FGD6: variants seen among roughly 807,000 people sequenced by gnomAD.
The protein encoded by FGD6 is FYVE, RhoGEF and PH domain containing 6.
In FGD6, 90 loss-of-function variants were observed where a neutral mutation model predicts 149.4. The observed-to-expected ratio is 0.60, with a 90% CI of 0.51 to 0.72. The LOEUF is 0.72. Among genes scored for constraint, FGD6 ranks in the 30% least tolerant of loss-of-function variants. The probability of loss-of-function intolerance (pLI) is 0.00; values close to 1 mark genes in which losing one functional copy is unlikely to be tolerated. For missense variants in FGD6, 1,437 were observed against 1,684.8 expected (o/e 0.85, Z 2.57); for synonymous variants, 527 against 584.0 (o/e 0.90, Z 1.41).
chr12:95,167,346 C>T (rs1024762574), intron 3 of FGD6, among the ~76,000 whole-genome samples: 11 of 152,104 alleles, frequency 7.2e-5, no homozygotes, highest in African/African-American at 2.4e-4. Context: ...CATTTTAGAT[C>T]CTATAAGGAC....
chr12:95,091,570 A>G lies in FGD6; in HGVS notation c.3850+137T>C. 5.1e-6 allele frequency: 3 copies of G among 589,586 alleles called. No individual in the cohort carries two copies. In the South Asian group the frequency reaches 7.2e-5, roughly 14 times the overall value. 36.5% of individuals were successfully genotyped at this position (589,586 alleles called of 1,614,324 possible). A position where few individuals can be genotyped will look rare whatever the true frequency, so the allele number is the denominator to read the frequency against. On this transcript the variant is annotated intron_variant, in intron 17 of 20. Coordinates refer to ENST00000343958, the MANE Select transcript of FGD6 (RefSeq NM_018351.4). Reference sequence around the variant, plus strand: ...CAGAATTACAACAAAATATGAATTAAGAAAGCTTACTACAAATTTGGAGAT... The same window carrying G: ...CAGAATTACAACAAAATATGAATTAGGAAAGCTTACTACAAATTTGGAGAT...
At chr12:95,125,832 A>C in intron 8 of FGD6, 3 of 1,003,322 alleles carry the variant, frequency 3.0e-6, no homozygotes, top group Non-Finnish European at 4.8e-6. Flanking sequence ...TGGAAAATTC[A>C]TTGTGATCAT....
chr12:95,165,446 A>C (rs1173587130), intron 3 of FGD6, among the ~76,000 whole-genome samples: 2 of 150,874 alleles, frequency 1.3e-5, no homozygotes, highest in Non-Finnish European at 2.9e-5. Flanking sequence ...GGATTCTACT[A>C]CCTCAGCCTC....
chr12:95,181,883 G>C (rs534020520), intron 2 of FGD6, among the ~76,000 whole-genome samples: 78 of 151,282 alleles, frequency 5.2e-4, no homozygotes, highest in African/African-American at 1.8e-3. Context: ...GGCAGAGCTT[G>C]CAGTGAGCTG....
intron 3 of FGD6, among the ~76,000 whole-genome samples, chr12:95,163,113 C>T (rs1439364493): frequency 2.0e-5 from 3 of 152,178 alleles, no homozygotes; most frequent in Non-Finnish European, 4.4e-5. Flanking sequence ...TTTCTTTCGC[C>T]AAGGGTATTA....
chr12:95,201,595 A>G (rs144071334), intron 2 of FGD6, among the ~76,000 whole-genome samples: 4 of 152,244 alleles, frequency 2.6e-5, no homozygotes, highest in Non-Finnish European at 4.4e-5. Flanking sequence ...TTACCTTTAT[A>G]TATCAGGTCA....
intron 2 of FGD6, among the ~76,000 whole-genome samples, chr12:95,186,680 T>C (rs1030163143): frequency 6.6e-6 from 1 of 152,218 alleles, no homozygotes; most frequent in African/African-American, 2.4e-5. Flanking sequence ...AACAGAGACC[T>C]ATGGCCTGCA....
intron 1 of FGD6, among the ~76,000 whole-genome samples, chr12:95,214,440 TC>T (rs1475961441): frequency 6.6e-6 from 1 of 152,210 alleles, no homozygotes; most frequent in African/African-American, 2.4e-5. Context: ...TATTTTTTTT[TC>T]ATGGCTCTAT....
chr12:95,163,851 A>G (rs1460685614), intron 3 of FGD6, among the ~76,000 whole-genome samples: 3 of 152,234 alleles, frequency 2.0e-5, no homozygotes, highest in African/African-American at 7.2e-5. Flanking sequence ...AATGGATTAT[A>G]ATCATCTTCA....
At chr12:95,197,365 G>A (rs966094627) in intron 2 of FGD6, among the ~76,000 whole-genome samples, 3 of 152,118 alleles carry the variant, frequency 2.0e-5, no homozygotes, top group Admixed American at 2.0e-4. Flanking sequence ...TTGAACCTGG[G>A]AGGTGGAGGC....
intron 2 of FGD6, among the ~76,000 whole-genome samples, chr12:95,184,936 C>T (rs1202217966): frequency 2.6e-5 from 4 of 151,324 alleles, no homozygotes; most frequent in Non-Finnish European, 5.9e-5. Flanking sequence ...TGCAGTGGTG[C>T]GATCTTGGCT....
chr12:95,108,276 A>T, intron 11 of FGD6, 72 bp downstream of exon 11: 1 of 1,345,328 alleles, frequency 7.4e-7, no homozygotes, highest in East Asian at 2.4e-5. Flanking sequence ...ATTTTTATAA[A>T]ATGATAAACA....
In FGD6 at chr12:95,195,423, T is replaced by C. The variant is rs140802410; in HGVS notation, c.2441+13420A>G. Among the ~76,000 whole-genome samples the C allele has an allele frequency of 3.6e-3, 548 of 152,042 alleles. 1 individual carries two copies. The highest frequency in any genetic ancestry group is 0.012 in the African/African-American group (484 of 41,488). On this transcript the variant is annotated intron_variant, in intron 2 of 20. Transcript: ENST00000343958. ...TCCCTTGGCCATCCTCTGTTTTGTTTTTAGCATAAAACAGGGAAAGGCAGG... is the reference window on the plus strand; with the variant it reads ...TCCCTTGGCCATCCTCTGTTTTGTTCTTAGCATAAAACAGGGAAAGGCAGG...
intron 2 of FGD6, among the ~76,000 whole-genome samples, chr12:95,184,769 G>A (rs1045165362): frequency 1.3e-5 from 2 of 152,062 alleles, no homozygotes; most frequent in Non-Finnish European, 2.9e-5. Context: ...TTTTAGTGGA[G>A]ATGGGGTTTC....
intron 2 of FGD6, among the ~76,000 whole-genome samples, chr12:95,182,186 CATACACATAT>C (rs56880843): frequency 0.62 from 93,280 of 149,286 alleles, 29,286 homozygotes; most frequent in Admixed American, 0.66. Flanking sequence ...TTCACAGTTG[CATACACATAT>C]TTACACATAT....
chr12:95,126,446 A>T (rs904140290), intron 8 of FGD6: 1 of 1,002,096 alleles, frequency 1.0e-6, no homozygotes. Flanking sequence ...CAAAAAACAA[A>T]GGCCAGCCAT....
intron 5 of FGD6, among the ~76,000 whole-genome samples, chr12:95,143,078 T>C (rs1189691683): frequency 6.6e-6 from 1 of 152,008 alleles, no homozygotes; most frequent in Non-Finnish European, 1.5e-5. Flanking sequence ...ATTTTTTCCT[T>C]TTTAGAAACA....
At position 95,105,029 on chromosome 12, in the gene FGD6, G is replaced by A. The variant is rs1398241928; in HGVS notation, c.3475C>T (p.Arg1159Cys). ...QNELKIESVE[R>C]SFILSASSAT... ...TACCTGGCTGAGAGAATGAAGGAAC[G>A]TTCTACACTTTCAATCTTTAATTCA... The change falls in exon 14 of 21, where the codon CGT becomes TGT. Residue 1159 changes from arginine to cysteine, a missense_variant. By Grantham distance (180) the Arg-to-Cys change is radical. Around this residue, in one of 2 missense-constraint regions of FGD6, gnomAD observed 382 missense variants for 538.7 expected, o/e 0.71. Transcript: ENST00000343958. 1.9e-6 allele frequency: 3 copies of A among 1,604,354 alleles called. No individual in the cohort carries two copies. The highest frequency in any genetic ancestry group is 2.2e-5 in the East Asian group (1 of 44,768).
intron 5 of FGD6, among the ~76,000 whole-genome samples, chr12:95,145,560 C>T (rs1483168828): frequency 2.6e-5 from 4 of 152,162 alleles, no homozygotes; most frequent in African/African-American, 7.2e-5. Context: ...AATTTTCCAT[C>T]CACTAACGCC....
Sources: gnomAD v4.1 joint callset for allele counts (sites outside exome capture counted in the v4.1 genomes callset) on GRCh38, gnomAD v4.1.1 for gene constraint, gnomAD v4.1.1 regional missense constraint, MANE v1.5 for transcripts, NCBI Gene and HGNC (gene_info 2026-07-23, HGNC 2026-07-21) for gene names.